The following PROS1 variants were observed in gnomAD, a reference collection of about 807,000 sequenced individuals.
The protein encoded by PROS1 is protein S, also known as vitamin K-dependent protein S.
Under a neutral mutation model 75.9 loss-of-function variants are expected in PROS1, and 29 were observed. That is an observed-to-expected ratio of 0.38 (90% CI 0.28 to 0.52). The LOEUF is 0.52. PROS1 is among the 20% of genes least tolerant of loss of function. The pLI is 0.83. For synonymous variants in PROS1, 245 were observed against 280.6 expected (o/e 0.87, Z 1.27); for missense variants, 680 against 810.3 (o/e 0.84, Z 1.95).
intron 3 of PROS1, among the ~76,000 whole-genome samples, chr3:93,916,199 G>A (rs1237584596): frequency 6.6e-6 from 1 of 152,106 alleles, no homozygotes; most frequent in Non-Finnish European, 1.5e-5. Flanking sequence ...TTTAGGTCTC[G>A]AGTAGTCTTA....
intron 1 of PROS1, among the ~76,000 whole-genome samples, chr3:93,951,468 A>G (rs1450034771): frequency 6.6e-6 from 1 of 152,220 alleles, no homozygotes; most frequent in Admixed American, 6.5e-5. Context: ...AGAATTTTCA[A>G]CCCAAAATTT....
intron 1 of PROS1, among the ~76,000 whole-genome samples, chr3:93,936,325 T>G (rs1709182615): frequency 6.6e-6 from 1 of 152,078 alleles, no homozygotes; most frequent in African/African-American, 2.4e-5. Context: ...ACTATTTGGG[T>G]GACAGGATCA....
intron 13 of PROS1, 39 bp from the exon 14 acceptor site, chr3:93,877,230 A>G (rs1307797960): frequency 9.6e-6 from 14 of 1,461,560 alleles, no homozygotes; most frequent in Non-Finnish European, 1.3e-5. Flanking sequence ...AGCAAGGAGT[A>G]AGAGTAATGC....
At chr3:93,915,633 G>A (rs1708834081) in intron 3 of PROS1, among the ~76,000 whole-genome samples, 1 of 152,140 alleles carries the variant, frequency 6.6e-6, no homozygotes, top group Non-Finnish European at 1.5e-5. Flanking sequence ...AACAATGTTG[G>A]TCTTTACTCT....
At chr3:93,943,708 G>T (rs1055993065) in intron 1 of PROS1, among the ~76,000 whole-genome samples, 1 of 152,146 alleles carries the variant, frequency 6.6e-6, no homozygotes, top group African/African-American at 2.4e-5. Context: ...CCCAAGCTAA[G>T]CCATCATATC....
rs559215826 is a variant in PROS1, at chr3:93,927,474, CAAT to C, written c.77-70_77-68del. ...ATGTAAAATATATTGTTTTATTAAA[CAAT>C]AAGAGTTAAAATCATTTTCTGCCTA... On this transcript the variant is annotated intron_variant, in intron 1 of 14. Transcript: ENST00000394236. 2.9e-3 allele frequency: 4,348 copies of C among 1,497,308 alleles called. 27 individuals are homozygous for C. Among genetic ancestry groups the C allele is most frequent in the South Asian group, 9.6e-3 (790 of 82,158 alleles). 92.8% of individuals were successfully genotyped at this position (1,497,308 alleles called of 1,614,324 possible).
rs1479097277 is a variant in PROS1, at chr3:93,973,675, G to A, written c.75C>T (p.Asn25=). The part of the protein sequence containing the change: ...LLLVLPVSEA[N]FLSKQQASQV... ...GAAGAGACGCTATTGATTACTCACA[G>A]TTTGCCTCTGAGACGGGAAGCACTA... The change falls in exon 1 of 15, where the codon AAC becomes AAT. Residue 25 remains asparagine (N), a splice_region_variant and synonymous_variant. Coordinates refer to ENST00000394236, the MANE Select transcript of PROS1 (RefSeq NM_000313.4). 11 of 1,613,630 alleles carry A rather than the reference G, an allele frequency of 6.8e-6. No homozygotes were observed. The East Asian group carries it at 2.5e-4, about 36-fold the overall frequency.
intron 3 of PROS1, among the ~76,000 whole-genome samples, chr3:93,916,336 G>T (rs190626830): frequency 6.6e-6 from 1 of 152,258 alleles, no homozygotes; most frequent in East Asian, 1.9e-4. Flanking sequence ...AAATTTTACA[G>T]TGAATACAGC....
chr3:93,896,106 C>G (rs538051927), intron 9 of PROS1, among the ~76,000 whole-genome samples: 1 of 152,168 alleles, frequency 6.6e-6, no homozygotes, highest in South Asian at 2.1e-4. Context: ...AGTATTTAGA[C>G]AGCCAACTAA....
intron 1 of PROS1, among the ~76,000 whole-genome samples, chr3:93,965,851 C>T (rs1166056729): frequency 4.6e-5 from 7 of 152,240 alleles, no homozygotes; most frequent in East Asian, 1.9e-4. Flanking sequence ...GGCACCACCA[C>T]ATCTGGCTAA....
chr3:93,884,579 A>G, intron 12 of PROS1, 149 bp downstream of exon 12: 1 of 900,440 alleles, frequency 1.1e-6, no homozygotes, highest in East Asian at 2.7e-5. Context: ...AAATTTTTGT[A>G]AAAGGTATAT....
chr3:93,940,385 T>TA (rs1478073326), intron 1 of PROS1, among the ~76,000 whole-genome samples: 1 of 152,138 alleles, frequency 6.6e-6, no homozygotes, highest in Admixed American at 6.5e-5. Flanking sequence ...TCTTAATCAA[T>TA]ATGGAGGCTA....
At chr3:93,955,865 T>C (rs1335091939) in intron 1 of PROS1, among the ~76,000 whole-genome samples, 2 of 152,350 alleles carry the variant, frequency 1.3e-5, no homozygotes, top group African/African-American at 2.4e-5. Flanking sequence ...AAGTTGGCTA[T>C]ATCTACAGAT....
At chr3:93,958,138 C>T (rs1048426124) in intron 1 of PROS1, among the ~76,000 whole-genome samples, 2 of 151,864 alleles carry the variant, frequency 1.3e-5, no homozygotes, top group African/African-American at 4.8e-5. Context: ...TGAATTATCA[C>T]CCAACCCCCC....
intron 12 of PROS1, 66 bp from the exon 13 acceptor site, chr3:93,879,380 A>G: frequency 6.5e-7 from 1 of 1,538,572 alleles, no homozygotes; most frequent in South Asian, 1.1e-5. Flanking sequence ...AGGAATTATT[A>G]TTAACACAGT....
intron 1 of PROS1, among the ~76,000 whole-genome samples, chr3:93,960,401 C>A (rs192880530): frequency 6.6e-6 from 1 of 151,938 alleles, no homozygotes; most frequent in East Asian, 1.9e-4. Flanking sequence ...TGGTCTCAAT[C>A]TCCTGACCCT....
rs891086620 is a variant in PROS1 at position 93,900,683 on chromosome 3, G to A, written c.727+121C>T. 12 of 1,354,108 alleles carry A rather than the reference G, an allele frequency of 8.9e-6. No homozygotes were observed. In the Admixed American group the frequency reaches 2.0e-4, roughly 23 times the overall value. The allele number at this position is 1,354,108 out of a possible 1,614,324, so 83.9% of individuals were successfully genotyped here. On this transcript the variant is annotated intron_variant, in intron 7 of 14. Transcript: ENST00000394236. ...AGCCAATGATTACCCAATTGAACAA[G>A]CTATATTAGGGATAAGAAAATATGA...
intron 1 of PROS1, among the ~76,000 whole-genome samples, chr3:93,972,706 G>A (rs1052069288): frequency 4.0e-5 from 6 of 151,532 alleles, no homozygotes; most frequent in African/African-American, 7.3e-5. Flanking sequence ...AAAAATAGCC[G>A]GGTGTCGAAG....
In PROS1 at chr3:93,952,398, C is replaced by T. The variant is rs182247529; in HGVS notation, c.76+21276G>A. On this transcript the variant is annotated intron_variant, in intron 1 of 14. Coordinates refer to ENST00000394236, the MANE Select transcript of PROS1 (RefSeq NM_000313.4). ...ACTGTCTCTCAGACCACAGTGCAAT[C>T]AAACTAGAACTCAGGATTAAGAAAC... Among the ~76,000 whole-genome samples, 6 of 152,248 alleles carry T rather than the reference C, an allele frequency of 3.9e-5. No individual in the cohort carries two copies. The East Asian group carries it at 1.2e-3, about 29-fold the overall frequency.
Sources: gnomAD v4.1 joint callset for allele counts (sites outside exome capture counted in the v4.1 genomes callset) on GRCh38, gnomAD v4.1.1 for gene constraint, MANE v1.5 for transcripts, NCBI Gene and HGNC (gene_info 2026-07-23, HGNC 2026-07-21) for gene names.